The following PPP1R1C variants were observed in gnomAD, a reference collection of about 807,000 sequenced individuals.
PPP1R1C encodes protein phosphatase 1 regulatory inhibitor subunit 1C, also known as protein phosphatase 1 regulatory subunit 1C.
PPP1R1C carries 15 observed loss-of-function variants against 17.4 expected under a neutral mutation model. The observed-to-expected ratio is 0.86, with a 90% CI of 0.58 to 1.33. The LOEUF (loss-of-function observed/expected upper bound fraction) is 1.33, where lower values mean the gene tolerates loss of function less well. PPP1R1C is among the 40% of genes most tolerant of loss of function. The pLI is 0.00. For synonymous variants in PPP1R1C, 35 were observed against 43.1 expected (o/e 0.81, Z 0.73); for missense variants, 143 against 130.0 (o/e 1.10, Z -0.48).
chr2:182,085,764 A>G (rs1688610008), intron 4 of PPP1R1C, among the ~76,000 whole-genome samples: 1 of 152,184 alleles, frequency 6.6e-6, no homozygotes, highest in African/African-American at 2.4e-5. Flanking sequence ...TGAAGAAATG[A>G]CACTGCAACA....
chr2:182,043,798 A>G (rs748043746), intron 2 of PPP1R1C, among the ~76,000 whole-genome samples: 19 of 151,904 alleles, frequency 1.3e-4, no homozygotes, highest in Non-Finnish European at 2.5e-4. Context: ...CTAGTCCTCC[A>G]CCGTCTTCCT....
chr2:181,972,231 C>T (rs946948953), intron 1 of PPP1R1C, among the ~76,000 whole-genome samples: 9 of 152,226 alleles, frequency 5.9e-5, no homozygotes, highest in Admixed American at 1.3e-4. Flanking sequence ...TTTAGATATT[C>T]GAAGTCTTGG....
chr2:182,119,910 A>T (rs1689689814), downstream of PPP1R1C, among the ~76,000 whole-genome samples: 1 of 152,138 alleles, frequency 6.6e-6, no homozygotes, highest in African/African-American at 2.4e-5. Context: ...CTTTAGTTTA[A>T]TTAGATCCCA....
At chr2:182,051,528 G>A (rs763114049) in intron 2 of PPP1R1C, among the ~76,000 whole-genome samples, 8 of 152,098 alleles carry the variant, frequency 5.3e-5, no homozygotes, top group East Asian at 1.9e-4. Context: ...TAAAAAAAAC[G>A]GTCACGAAAT....
intron 2 of PPP1R1C, among the ~76,000 whole-genome samples, chr2:182,014,447 T>G (rs1005892155): frequency 6.6e-6 from 1 of 151,026 alleles, no homozygotes; most frequent in African/African-American, 2.4e-5. Flanking sequence ...GGAGAAGTGA[T>G]GCAGGCGTCG....
At chr2:182,081,369 G>A (rs1465303308) in intron 4 of PPP1R1C, among the ~76,000 whole-genome samples, 2 of 152,046 alleles carry the variant, frequency 1.3e-5, no homozygotes, top group Non-Finnish European at 2.9e-5. Flanking sequence ...ACAAATGAGT[G>A]CCTTAACCTC....
rs1412792641 is a variant in PPP1R1C at position 181,962,150 on chromosome 2, C to T, written n.111+7516C>T. ...CTTCTCCAGGTGCTCCCGGATTTTGCTCTCCAGCTTCCGGTTCTTGGTCTC... is the reference window on the plus strand; with the variant it reads ...CTTCTCCAGGTGCTCCCGGATTTTGTTCTCCAGCTTCCGGTTCTTGGTCTC... On this transcript the variant is annotated intron_variant and non_coding_transcript_variant, in intron 1 of 5. Transcript: ENST00000464264. This position sits in a 1 kb window ranked among gnomAD's most constrained non-coding sequence, Gnocchi z 6.0. 1.4e-6 allele frequency: 1 copy of T among 736,560 alleles called. No individual in the cohort carries two copies. The highest frequency in any genetic ancestry group is 2.5e-6 in the Non-Finnish European group (1 of 402,186). 45.6% of individuals were successfully genotyped at this position (736,560 alleles called of 1,614,324 possible). A position where few individuals can be genotyped will look rare whatever the true frequency, so the allele number is the denominator to read the frequency against.
chr2:182,002,270 T>C (rs1018128319), intron 2 of PPP1R1C, among the ~76,000 whole-genome samples: 1 of 152,082 alleles, frequency 6.6e-6, no homozygotes, highest in East Asian at 1.9e-4. Flanking sequence ...TTTTTAGAAC[T>C]ATAGGTCTAC....
chr2:182,091,474 TAA>T (rs372452170), intron 4 of PPP1R1C, among the ~76,000 whole-genome samples: 4 of 136,834 alleles, frequency 2.9e-5, no homozygotes, highest in African/African-American at 1.0e-4. Context: ...CTGTTTTTCT[TAA>T]AAAAAAAATA....
At chr2:182,075,360 G>A (rs1167045220) in intron 4 of PPP1R1C, among the ~76,000 whole-genome samples, 1 of 152,166 alleles carries the variant, frequency 6.6e-6, no homozygotes, top group Non-Finnish European at 1.5e-5. Flanking sequence ...AATTGTTATA[G>A]AGCCTCTGAG....
At position 182,028,701 on chromosome 2, in the gene PPP1R1C, G is replaced by A. The variant is rs1686706567; in HGVS notation, c.143-32741G>A. Among the ~76,000 whole-genome samples, 7 of 149,496 alleles carry A rather than the reference G, an allele frequency of 4.7e-5. No individual in the cohort carries two copies. The Admixed American group carries it at 4.7e-4, about 10-fold the overall frequency. ...AGTGTATATTTTGTTGATTTGGGGT[G>A]GAGAGTTCTGTAGATGTCTATTAGG... is the stretch of plus-strand genomic sequence containing the variant. On this transcript the variant is annotated intron_variant, in intron 2 of 4. Transcript: ENST00000682840.
intron 1 of PPP1R1C, among the ~76,000 whole-genome samples, chr2:181,974,123 G>A (rs1275501309): frequency 2.0e-5 from 3 of 151,982 alleles, no homozygotes; most frequent in Non-Finnish European, 2.9e-5. Flanking sequence ...ATATATGGGT[G>A]GGTAGAGACT....
At chr2:182,085,698 C>T (rs1180973432) in intron 4 of PPP1R1C, among the ~76,000 whole-genome samples, 1 of 152,136 alleles carries the variant, frequency 6.6e-6, no homozygotes, top group African/African-American at 2.4e-5. Context: ...GGCTATACAA[C>T]AGAATCTATT....
At chr2:182,002,980 A>G (rs1406471230) in intron 2 of PPP1R1C, among the ~76,000 whole-genome samples, 1 of 127,928 alleles carries the variant, frequency 7.8e-6, no homozygotes. Context: ...CAACTATTAT[A>G]TTGGGAGAAA....
chr2:182,017,768 G>T (rs1260150616), intron 2 of PPP1R1C, among the ~76,000 whole-genome samples: 3 of 151,980 alleles, frequency 2.0e-5, no homozygotes, highest in Non-Finnish European at 4.4e-5. Context: ...TATTTAATAG[G>T]AGTTTACTGC....
chr2:182,090,881 A>G (rs1688760898), intron 4 of PPP1R1C, among the ~76,000 whole-genome samples: 1 of 152,196 alleles, frequency 6.6e-6, no homozygotes, highest in Non-Finnish European at 1.5e-5. Context: ...ACCATTACTT[A>G]AAAACATAAA....
intron 4 of PPP1R1C, among the ~76,000 whole-genome samples, chr2:182,115,849 T>C (rs902204714): frequency 6.6e-6 from 1 of 152,232 alleles, no homozygotes; most frequent in African/African-American, 2.4e-5. Context: ...TGAGACTCTT[T>C]GTTTTATAGC....
chr2:181,999,083 A>G (rs183186227), intron 2 of PPP1R1C, among the ~76,000 whole-genome samples: 2 of 152,368 alleles, frequency 1.3e-5, no homozygotes, highest in African/African-American at 4.8e-5. Context: ...TTCTAGATCT[A>G]CAGTACGCAG....
intron 2 of PPP1R1C, among the ~76,000 whole-genome samples, chr2:181,991,205 T>C (rs1455033037): frequency 2.0e-5 from 3 of 152,116 alleles, no homozygotes; most frequent in Non-Finnish European, 4.4e-5. Context: ...TTATATTTTG[T>C]AGAGGAAAAA....
Sources: allele counts gnomAD v4.1 joint callset (sites outside exome capture counted in the v4.1 genomes callset), GRCh38; gene constraint gnomAD v4.1.1; non-coding constraint Gnocchi (gnomAD v3.1); transcripts MANE v1.5; gene names NCBI Gene and HGNC (gene_info 2026-07-23, HGNC 2026-07-21).